PTPRR: variants seen among roughly 807,000 people sequenced by gnomAD.
PTPRR encodes the protein receptor-type tyrosine-protein phosphatase R.
Under a neutral mutation model 77.2 loss-of-function variants are expected in PTPRR, and 38 were observed. The observed-to-expected ratio is 0.49, with a 90% CI of 0.38 to 0.65. PTPRR has a LOEUF of 0.65. Ranked by LOEUF, PTPRR falls within the 30% of genes least tolerant of loss-of-function variation. The pLI is 0.00. For synonymous variants in PTPRR, 299 were observed against 283.1 expected, an observed-to-expected ratio of 1.06 and a Z score of -0.57; for missense variants, 744 against 799.2, an observed-to-expected ratio of 0.93 and a Z score of 0.83.
intron 2 of PTPRR, among the ~76,000 whole-genome samples, chr12:70,811,429 CGG>C (rs1565705366): frequency 3.3e-5 from 5 of 152,106 alleles, no homozygotes; most frequent in Admixed American, 3.3e-4. Context: ...AATGCTTTGG[CGG>C]TTTTCTGAGA....
At chr12:70,659,857 A>T (rs1886730437) in intron 12 of PTPRR, among the ~76,000 whole-genome samples, 1 of 151,982 alleles carries the variant, frequency 6.6e-6, no homozygotes, top group African/African-American at 2.4e-5. Flanking sequence ...AAAGCAACCC[A>T]AATTATTTTG....
intron 2 of PTPRR, among the ~76,000 whole-genome samples, chr12:70,817,124 C>T (rs969237879): frequency 3.3e-5 from 5 of 152,034 alleles, no homozygotes; most frequent in Non-Finnish European, 7.4e-5. Flanking sequence ...AATAAGGTAG[C>T]AGAAGACACT....
chr12:70,672,412 A>G (rs548384267), intron 10 of PTPRR: 1 of 1,178,962 alleles, frequency 8.5e-7, no homozygotes, highest in East Asian at 2.4e-5. Context: ...AGCTGTGGTC[A>G]TTGGAAAGAA....
intron 2 of PTPRR, among the ~76,000 whole-genome samples, chr12:70,880,877 A>G (rs1444418254): frequency 6.6e-6 from 1 of 152,144 alleles, no homozygotes. Context: ...GCTATTTTTA[A>G]TAATCCAGCT....
intron 1 of PTPRR, among the ~76,000 whole-genome samples, chr12:70,913,605 T>C (rs1002982146): frequency 3.9e-5 from 6 of 152,090 alleles, no homozygotes; most frequent in African/African-American, 1.4e-4. Context: ...TGTCTATCCA[T>C]CTAGAAAGAG....
At chr12:70,642,314 GCTTT>G (rs1254151906) in intron 13 of PTPRR, among the ~76,000 whole-genome samples, 2 of 152,074 alleles carry the variant, frequency 1.3e-5, no homozygotes, top group African/African-American at 4.8e-5. Flanking sequence ...TAAATGCAAG[GCTTT>G]CTATTTATTC....
intron 8 of PTPRR, among the ~76,000 whole-genome samples, chr12:70,691,707 G>GCAT (rs1430142729): frequency 2.0e-5 from 3 of 152,162 alleles, no homozygotes; most frequent in African/African-American, 7.2e-5. Flanking sequence ...TACAGTCCGT[G>GCAT]TAGAGTTTCT....
At chr12:70,868,867 A>T (rs532200119) in intron 2 of PTPRR, among the ~76,000 whole-genome samples, 75 of 152,144 alleles carry the variant, frequency 4.9e-4, no homozygotes, top group Non-Finnish European at 9.9e-4. Flanking sequence ...AAAAATGATG[A>T]GTTCATGTCC....
At chr12:70,733,395 G>A (rs1245776280) in intron 6 of PTPRR, among the ~76,000 whole-genome samples, 4 of 101,004 alleles carry the variant, frequency 4.0e-5, no homozygotes, top group Non-Finnish European at 5.9e-5. Context: ...CAGAGAGGAC[G>A]CTGTCATAAA....
intron 2 of PTPRR, among the ~76,000 whole-genome samples, chr12:70,846,466 T>TA (rs1387191995): frequency 5.3e-5 from 8 of 152,156 alleles, no homozygotes; most frequent in African/African-American, 1.9e-4. Context: ...TTATATTAGT[T>TA]ACGAAGAAGA....
chr12:70,892,027 T>C (rs1195620156), intron 2 of PTPRR, among the ~76,000 whole-genome samples: 3 of 152,078 alleles, frequency 2.0e-5, no homozygotes, highest in Non-Finnish European at 4.4e-5. Flanking sequence ...ATTTAAACTA[T>C]GATAACCTCC....
At position 70,658,421 on chromosome 12, in the gene PTPRR, T is replaced by G. The variant is rs1410961581; in HGVS notation, c.1767-1604A>C. 2.0e-5 allele frequency among the ~76,000 whole-genome samples: 3 copies of G among 152,154 alleles called. No individual in the cohort carries two copies. In the East Asian group the frequency reaches 5.8e-4, roughly 29 times the overall value. On this transcript the variant is annotated intron_variant, in intron 12 of 13. Transcript: ENST00000283228. ...GTGAGTGCAGAGGAATTCAGAGGAGTGGCTCTCTTTTAGCTGAAGTGTCCA... is the reference window on the plus strand; with the variant it reads ...GTGAGTGCAGAGGAATTCAGAGGAGGGGCTCTCTTTTAGCTGAAGTGTCCA...
intron 8 of PTPRR, among the ~76,000 whole-genome samples, chr12:70,692,895 G>T (rs1888102777): frequency 6.6e-6 from 1 of 152,150 alleles, no homozygotes; most frequent in Non-Finnish European, 1.5e-5. Flanking sequence ...CCCCTAGAGG[G>T]CAAAGGCTGT....
At position 70,666,935 on chromosome 12, in the gene PTPRR, G is replaced by GTTTTTTTTTTTTTT. The variant is rs142691396; in HGVS notation, c.1498-4344_1498-4331dup. Among the ~76,000 whole-genome samples the GTTTTTTTTTTTTTT allele has an allele frequency of 7.9e-4, 23 of 29,050 alleles. 10 individuals are homozygous for GTTTTTTTTTTTTTT. The highest frequency in any genetic ancestry group is 2.1e-3 in the Non-Finnish European group (23 of 10,900). 19.1% of individuals were successfully genotyped at this position (29,050 alleles called of 152,430 possible). On this transcript the variant is annotated intron_variant, in intron 10 of 13. Coordinates refer to ENST00000283228, the MANE Select transcript of PTPRR (RefSeq NM_002849.4). Reference sequence around the variant, plus strand: ...TTTTTGATTAACTGTGTGTTTTTCTGTTTTTTTTTTTTTTTTTTTTTTTTT... The same window carrying GTTTTTTTTTTTTTT: ...TTTTTGATTAACTGTGTGTTTTTCTGTTTTTTTTTTTTTTTTTTTTTTTTTTTTTTTTTTTTTTT...
chr12:70,698,316 T>G lies in PTPRR; in HGVS notation c.1228A>C (p.Ile410Leu). 6.2e-7 allele frequency: 1 copy of G among 1,613,124 alleles called. No individual in the cohort carries two copies. Among genetic ancestry groups the G allele is most frequent in the Non-Finnish European group, 8.5e-7 (1 of 1,179,404 alleles). Residue 410 changes from isoleucine (I) to leucine (L), a missense_variant, in exon 8 of 14, where the codon ATT becomes CTT. This residue lies in a region of PTPRR where 570 missense variants were observed against 573.2 expected (regional missense o/e 0.99). Transcript: ENST00000283228. ...TTAGTTCCATGACGCGGAATATCAA[T>G]TTCTTTGGGATCCACAAAGTTCATT... The part of the protein sequence containing the change: ...IPMNFVDPKE[I>L]DIPRHGTKNR...
intron 2 of PTPRR, among the ~76,000 whole-genome samples, chr12:70,796,318 G>A (rs553418932): frequency 8.3e-4 from 127 of 152,104 alleles, no homozygotes; most frequent in African/African-American, 2.5e-3. Flanking sequence ...ATGAGTTTAT[G>A]TGTCCCTCAT....
chr12:70,854,883 T>C (rs757485693), intron 2 of PTPRR, among the ~76,000 whole-genome samples: 1 of 152,228 alleles, frequency 6.6e-6, no homozygotes, highest in African/African-American at 2.4e-5. Context: ...GCTTGGTACA[T>C]AGAAGATGCT....
chr12:70,800,677 C>G (rs887975887), intron 2 of PTPRR, among the ~76,000 whole-genome samples: 2 of 151,942 alleles, frequency 1.3e-5, no homozygotes, highest in African/African-American at 4.8e-5. Context: ...GGTGGATCAC[C>G]TGGGGTCAGG....
chr12:70,715,239 T>G (rs868630286), intron 6 of PTPRR, among the ~76,000 whole-genome samples: 1 of 152,028 alleles, frequency 6.6e-6, no homozygotes, highest in Non-Finnish European at 1.5e-5. Flanking sequence ...AAGTTTTTAT[T>G]AGGGAGTTTC....
Sources: gnomAD v4.1 joint callset for allele counts (sites outside exome capture counted in the v4.1 genomes callset) on GRCh38, gnomAD v4.1.1 for gene constraint, gnomAD v4.1.1 regional missense constraint, MANE v1.5 for transcripts, NCBI Gene and HGNC (gene_info 2026-07-23, HGNC 2026-07-21) for gene names.